The following IGFL2 variants were observed in gnomAD, a reference collection of about 807,000 sequenced individuals.
IGFL2 encodes the protein IGF like family member 2, also known as insulin growth factor-like family member 2.
In IGFL2, 7 loss-of-function variants were observed where a neutral mutation model predicts 13.9. The ratio of observed to expected loss-of-function variants is 0.51; its 90% confidence interval spans 0.29 to 0.95. The LOEUF (loss-of-function observed/expected upper bound fraction) is 0.95, where lower values mean the gene tolerates loss of function less well. Among genes scored for constraint, IGFL2 ranks in the 40% least tolerant of loss-of-function variants. The pLI, the probability that IGFL2 is intolerant of heterozygous loss-of-function variation, is 0.08. For missense variants in IGFL2, 138 were observed against 147.8 expected, an observed-to-expected ratio of 0.93 and a Z score of 0.34; for synonymous variants, 55 against 55.8, an observed-to-expected ratio of 0.99 and a Z score of 0.07.
chr19:46,157,291 A>G (rs927597736), intron 1 of IGFL2, among the ~76,000 whole-genome samples: 2 of 152,216 alleles, frequency 1.3e-5, no homozygotes, highest in Non-Finnish European at 2.9e-5. Context: ...TTATTTTGCT[A>G]CTAAAATCAT....
chr19:46,097,875 T>G, the IGFL2 span, among the ~76,000 whole-genome samples: 1 of 152,234 alleles, frequency 6.6e-6, no homozygotes, highest in Non-Finnish European at 1.5e-5. Context: ...TGAGAGACTG[T>G]TGTGATTTCA....
chr19:46,149,897 G>C (rs1973380702), intron 1 of IGFL2, among the ~76,000 whole-genome samples: 1 of 152,166 alleles, frequency 6.6e-6, no homozygotes, highest in Admixed American at 6.5e-5. Flanking sequence ...GTACACATAG[G>C]AGTGGAATTG....
the IGFL2 span, among the ~76,000 whole-genome samples, chr19:46,100,172 G>A: frequency 6.6e-6 from 1 of 152,158 alleles, no homozygotes; most frequent in Admixed American, 6.5e-5. Context: ...GAGAGGAGTT[G>A]TGATCATTTG....
At chr19:46,101,453 C>T in the IGFL2 span, among the ~76,000 whole-genome samples, 1 of 152,152 alleles carries the variant, frequency 6.6e-6, no homozygotes, top group Non-Finnish European at 1.5e-5. Flanking sequence ...AGGCCTCGCC[C>T]AGTGAGGAGG....
the IGFL2 span, among the ~76,000 whole-genome samples, chr19:46,116,940 T>C: frequency 6.6e-6 from 1 of 151,598 alleles, no homozygotes; most frequent in Non-Finnish European, 1.5e-5. Flanking sequence ...TTAAATTAAT[T>C]AACTTGTTTA....
chr19:46,169,241 T>TAA, the IGFL2 span, among the ~76,000 whole-genome samples: 1 of 152,136 alleles, frequency 6.6e-6, no homozygotes, highest in Admixed American at 6.5e-5. Flanking sequence ...TTTTCAGAAA[T>TAA]CTTTAAGACC....
chr19:46,134,484 A>T, the IGFL2 span, among the ~76,000 whole-genome samples: 2 of 152,182 alleles, frequency 1.3e-5, no homozygotes, highest in African/African-American at 4.8e-5. Flanking sequence ...AACTCACCAT[A>T]CTGTAGAATC....
At chr19:46,141,386 C>T (rs1182562253), upstream of IGFL2, among the ~76,000 whole-genome samples, 5 of 152,130 alleles carry the variant, frequency 3.3e-5, no homozygotes, top group East Asian at 1.9e-4. Flanking sequence ...TGGGAAGACA[C>T]GCCAGGATCA....
At chr19:46,171,555 G>T in the IGFL2 span, among the ~76,000 whole-genome samples, 1 of 152,110 alleles carries the variant, frequency 6.6e-6, no homozygotes, top group African/African-American at 2.4e-5. Flanking sequence ...TTCTGTCAGG[G>T]CAAATTAACT....
the IGFL2 span, among the ~76,000 whole-genome samples, chr19:46,080,521 C>A: frequency 6.6e-6 from 1 of 152,176 alleles, no homozygotes; most frequent in African/African-American, 2.4e-5. Context: ...AATTTTGTTT[C>A]TAATTTCAGA....
At chr19:46,199,626 A>G in the IGFL2 span, among the ~76,000 whole-genome samples, 1 of 152,158 alleles carries the variant, frequency 6.6e-6, no homozygotes, top group East Asian at 1.9e-4. Context: ...ACCCTGAGAG[A>G]TCAGGCTCAG....
the IGFL2 span, among the ~76,000 whole-genome samples, chr19:46,090,067 G>A: frequency 1.3e-5 from 2 of 151,474 alleles, no homozygotes; most frequent in Admixed American, 6.6e-5. Context: ...CCCTCTGATG[G>A]TACATTTTCA....
At chr19:46,082,651 A>G in the IGFL2 span, among the ~76,000 whole-genome samples, 4 of 148,636 alleles carry the variant, frequency 2.7e-5, no homozygotes, top group African/African-American at 1.0e-4. Flanking sequence ...TTTTGAAGAC[A>G]CTCCACTCTG....
the IGFL2 span, among the ~76,000 whole-genome samples, chr19:46,081,337 CT>C: frequency 6.6e-6 from 1 of 152,116 alleles, no homozygotes; most frequent in East Asian, 1.9e-4. Context: ...GTGAATTTGT[CT>C]TTTTCACTCA....
chr19:46,154,663 A>G (rs1031965281), intron 1 of IGFL2, among the ~76,000 whole-genome samples: 2 of 151,802 alleles, frequency 1.3e-5, no homozygotes, highest in African/African-American at 4.8e-5. Context: ...GCTTGCCAGG[A>G]TGGTCTGGAT....
downstream of IGFL2, among the ~76,000 whole-genome samples, chr19:46,162,491 T>C (rs775026727): frequency 6.6e-5 from 10 of 152,222 alleles, no homozygotes; most frequent in Non-Finnish European, 1.5e-4. Flanking sequence ...GTCATTTCTT[T>C]TTATTTTTTA....
At chr19:46,118,063 A>G in the IGFL2 span, among the ~76,000 whole-genome samples, 1 of 152,194 alleles carries the variant, frequency 6.6e-6, no homozygotes, top group Non-Finnish European at 1.5e-5. Context: ...CCACAGCCCT[A>G]GGGTGGGCAT....
At chr19:46,109,376 G>A in the IGFL2 span, among the ~76,000 whole-genome samples, 38 of 151,474 alleles carry the variant, frequency 2.5e-4, 1 homozygote, top group African/African-American at 6.1e-4. Flanking sequence ...GTGCAGTGGC[G>A]CAATCTTGGC....
chr19:46,125,208 G>C, the IGFL2 span, among the ~76,000 whole-genome samples: 1 of 152,164 alleles, frequency 6.6e-6, no homozygotes, highest in East Asian at 1.9e-4. Context: ...GTTGAGCCAC[G>C]GCTCTGGAAA....
Sources: allele counts gnomAD v4.1 joint callset (sites outside exome capture counted in the v4.1 genomes callset), GRCh38; gene constraint gnomAD v4.1.1; transcripts MANE v1.5; gene names NCBI Gene and HGNC (gene_info 2026-07-23, HGNC 2026-07-21).